Variants in PITPNC1 observed in about 807,000 individuals in gnomAD.
PITPNC1 encodes the protein phosphatidylinositol transfer protein cytoplasmic 1.
PITPNC1 carries 18 observed loss-of-function variants against 44.7 expected under a neutral mutation model. That is an observed-to-expected ratio of 0.40 (90% CI 0.28 to 0.60). The LOEUF (loss-of-function observed/expected upper bound fraction) is 0.60, where lower values mean the gene tolerates loss of function less well. Among genes scored for constraint, PITPNC1 ranks in the 20% least tolerant of loss-of-function variants. PITPNC1 has a pLI of 0.39. For synonymous variants in PITPNC1, 141 were observed against 149.6 expected, an observed-to-expected ratio of 0.94 and a Z score of 0.42; for missense variants, 290 against 418.4, an observed-to-expected ratio of 0.69 and a Z score of 2.68.
At chr17:67,587,885 C>G (rs1188035980) in intron 5 of PITPNC1, among the ~76,000 whole-genome samples, 1 of 152,158 alleles carries the variant, frequency 6.6e-6, no homozygotes, top group Non-Finnish European at 1.5e-5. Context: ...ATGTTCTCTT[C>G]CTGACTACAA....
At chr17:67,463,991 C>T (rs1050644540) in intron 1 of PITPNC1, among the ~76,000 whole-genome samples, 4 of 151,920 alleles carry the variant, frequency 2.6e-5, no homozygotes, top group South Asian at 2.1e-4. Flanking sequence ...GTCAAGAGTT[C>T]GAGACCAGTC....
chr17:67,571,631 A>G (rs1368488536), intron 4 of PITPNC1, among the ~76,000 whole-genome samples: 1 of 152,224 alleles, frequency 6.6e-6, no homozygotes, highest in African/African-American at 2.4e-5. Flanking sequence ...GGCAGGATTC[A>G]TTCCTTGTGG....
chr17:67,622,804 A>C (rs2144315875), intron 5 of PITPNC1, among the ~76,000 whole-genome samples: 1 of 152,026 alleles, frequency 6.6e-6, no homozygotes, highest in South Asian at 2.1e-4. Flanking sequence ...TGAACCCAGG[A>C]GGCAGAGGTT....
intron 7 of PITPNC1, among the ~76,000 whole-genome samples, chr17:67,671,802 T>A (rs1219109897): frequency 6.6e-6 from 1 of 152,180 alleles, no homozygotes; most frequent in Non-Finnish European, 1.5e-5. Context: ...CCAAAGTAAA[T>A]GTTTTCCAGC....
intron 1 of PITPNC1, among the ~76,000 whole-genome samples, chr17:67,522,579 C>T (rs990522413): frequency 6.6e-6 from 1 of 151,098 alleles, no homozygotes; most frequent in African/African-American, 2.5e-5. Context: ...AGGCATGAGC[C>T]ATACTCACTG....
At chr17:67,579,614 A>G (rs1173570573) in intron 5 of PITPNC1, among the ~76,000 whole-genome samples, 1 of 88,788 alleles carries the variant, frequency 1.1e-5, no homozygotes, top group African/African-American at 4.8e-5. Context: ...TAAAATAGTG[A>G]TTTTTTTTTT....
At chr17:67,467,181 G>T (rs1461336343) in intron 1 of PITPNC1, among the ~76,000 whole-genome samples, 1 of 151,718 alleles carries the variant, frequency 6.6e-6, no homozygotes, top group Non-Finnish European at 1.5e-5. Flanking sequence ...AAGTAGCTGG[G>T]ATTACAGGTG....
At chr17:67,599,017 TATATATATATATATATA>T (rs1474542271) in intron 5 of PITPNC1, among the ~76,000 whole-genome samples, 9 of 35,930 alleles carry the variant, frequency 2.5e-4, no homozygotes, top group South Asian at 2.1e-3. Context: ...TATATATATA[TATATATATATATATATA>T]TTTTTTTTTT....
chr17:67,681,425 C>T (rs1323579768), intron 8 of PITPNC1, among the ~76,000 whole-genome samples: 2 of 151,790 alleles, frequency 1.3e-5, no homozygotes, highest in Non-Finnish European at 2.9e-5. Flanking sequence ...CCAGCCCTGG[C>T]AACACAGGGA....
intron 1 of PITPNC1, among the ~76,000 whole-genome samples, chr17:67,405,731 G>A (rs917170338): frequency 1.3e-5 from 2 of 151,536 alleles, no homozygotes; most frequent in African/African-American, 2.4e-5. Flanking sequence ...TCAGCCTCCC[G>A]AGTAGCTGGG....
chr17:67,450,467 C>T (rs752383312), intron 1 of PITPNC1, among the ~76,000 whole-genome samples: 4 of 152,062 alleles, frequency 2.6e-5, no homozygotes, highest in East Asian at 1.9e-4. Context: ...GCTCTGTCAC[C>T]CAGGCTGGAG....
At chr17:67,450,434 C>T (rs74953610) in intron 1 of PITPNC1, among the ~76,000 whole-genome samples, 3 of 151,558 alleles carry the variant, frequency 2.0e-5, no homozygotes, top group African/African-American at 7.3e-5. Flanking sequence ...TTTTAAGTTT[C>T]TTTTTTTTGA....
At chr17:67,464,689 A>T (rs1035202636) in intron 1 of PITPNC1, among the ~76,000 whole-genome samples, 7 of 152,160 alleles carry the variant, frequency 4.6e-5, no homozygotes, top group Non-Finnish European at 8.8e-5. Flanking sequence ...GCACAGCGTT[A>T]TGAATTTAAT....
chr17:67,578,153 T>A, intron 4 of PITPNC1, 33 bp from the exon 5 acceptor site: 2 of 1,427,640 alleles, frequency 1.4e-6, no homozygotes, highest in South Asian at 2.3e-5. Context: ...AGAAAAAATG[T>A]TATGCTAATG....
At chr17:67,559,643 T>A (rs1410329382) in intron 4 of PITPNC1, among the ~76,000 whole-genome samples, 1 of 152,154 alleles carries the variant, frequency 6.6e-6, no homozygotes, top group Non-Finnish European at 1.5e-5. Flanking sequence ...TCCCAGCATT[T>A]CAGGAGGCTG....
chr17:67,453,161 G>C (rs530252671), intron 1 of PITPNC1, among the ~76,000 whole-genome samples: 27 of 152,266 alleles, frequency 1.8e-4, no homozygotes, highest in Admixed American at 3.9e-4. Flanking sequence ...TTGAGTGAAT[G>C]AGCAAACTGA....
At chr17:67,553,501 G>T in intron 3 of PITPNC1, 109 bp from the exon 4 acceptor site, 1 of 475,692 alleles carries the variant, frequency 2.1e-6, no homozygotes, top group Non-Finnish European at 3.8e-6. Context: ...ATTATAGTTC[G>T]TCAGTATTTG....
At chr17:67,494,985 A>T (rs1009306453) in intron 1 of PITPNC1, among the ~76,000 whole-genome samples, 2 of 150,658 alleles carry the variant, frequency 1.3e-5, no homozygotes, top group Admixed American at 6.6e-5. Context: ...TGGCAAAAAA[A>T]AACAGCAACA....
chr17:67,657,259 G>T (rs949609008), intron 6 of PITPNC1, among the ~76,000 whole-genome samples: 1 of 151,478 alleles, frequency 6.6e-6, no homozygotes, highest in Admixed American at 6.6e-5. Context: ...TTTGATTAAA[G>T]GAGTCCTTTC....
Sources: gnomAD v4.1 joint callset for allele counts (sites outside exome capture counted in the v4.1 genomes callset) on GRCh38, gnomAD v4.1.1 for gene constraint, MANE v1.5 for transcripts, NCBI Gene and HGNC (gene_info 2026-07-23, HGNC 2026-07-21) for gene names.